FYTTD1: variants seen among roughly 807,000 people sequenced by gnomAD.
The protein encoded by FYTTD1 is UAP56-interacting factor.
FYTTD1 carries 22 observed loss-of-function variants against 40.9 expected under a neutral mutation model. That is an observed-to-expected ratio of 0.54 (90% confidence interval 0.38 to 0.77). The LOEUF (loss-of-function observed/expected upper bound fraction) is 0.77. Ranked by LOEUF, FYTTD1 falls within the 30% of genes least tolerant of loss-of-function variation. The probability of loss-of-function intolerance (pLI) is 0.00; values close to 1 mark genes in which losing one functional copy is unlikely to be tolerated. For missense variants in FYTTD1, 351 were observed against 392.2 expected (o/e 0.90, Z 0.89); for synonymous variants, 140 against 137.9 (o/e 1.01, Z -0.10).
chr3:197,765,670 T>C (rs1399656079), intron 2 of FYTTD1, among the ~76,000 whole-genome samples: 1 of 151,914 alleles, frequency 6.6e-6, no homozygotes, highest in Non-Finnish European at 1.5e-5. Flanking sequence ...GAGACCAGCC[T>C]GGCCAACATG....
intron 4 of FYTTD1, among the ~76,000 whole-genome samples, chr3:197,771,181 AC>A (rs1729704821): frequency 6.6e-6 from 1 of 151,676 alleles, no homozygotes; most frequent in African/African-American, 2.4e-5. Context: ...ACATAGTGAG[AC>A]CCCCATCTCT....
At chr3:197,763,578 A>G (rs1285259964) in intron 2 of FYTTD1, 2 of 442,988 alleles carry the variant, frequency 4.5e-6, no homozygotes, top group Non-Finnish European at 4.5e-6. Context: ...GGACTTCAGG[A>G]CCAGCGTGGG....
At position 197,778,436 on chromosome 3, in the gene FYTTD1, A is replaced by G; in HGVS notation, c.830A>G (p.Gln277Arg). Residue 277 changes from glutamine to arginine, a missense_variant, in exon 8 of 9, where the codon CAG (glutamine) becomes CGG (arginine). By Grantham distance (43) the Gln-to-Arg change is conservative (BLOSUM62 1). Transcript: ENST00000241502. ...VKKVPKGVPL[Q>R]FDINSVGKQT... ...AAAGTTCCTAAAGGTGTTCCCCTGC[A>G]GTTTGACATAAACAGTGTCGGAAAA... 1 of 1,609,946 alleles carries G rather than the reference A, an allele frequency of 6.2e-7. No homozygotes were observed.
Position 197,784,005 on chromosome 3 carries a change from A to G in FYTTD1, c.*2096A>G, listed in dbSNP as rs1730097604. ...AAAACTCTTGGTGGTCACATATTGTATATAAACAAAACAATATGCTTTGTT... is the reference window on the plus strand; with the variant it reads ...AAAACTCTTGGTGGTCACATATTGTGTATAAACAAAACAATATGCTTTGTT... On this transcript the variant is annotated 3_prime_UTR_variant, in exon 9 of 9. Coordinates refer to ENST00000241502, the MANE Select transcript of FYTTD1 (RefSeq NM_032288.7). 1 of 152,594 alleles carries G rather than the reference A, an allele frequency of 6.6e-6. No homozygotes were observed. The allele number at this position is 152,594 out of a possible 1,614,324, so 9.5% of individuals were successfully genotyped here.
At chr3:197,757,453 G>A (rs1729244137) in intron 2 of FYTTD1, among the ~76,000 whole-genome samples, 1 of 152,168 alleles carries the variant, frequency 6.6e-6, no homozygotes. Flanking sequence ...AACATAATTA[G>A]TTCTGTGTTT....
intron 1 of FYTTD1, among the ~76,000 whole-genome samples, chr3:197,754,812 G>C (rs566764487): frequency 6.6e-6 from 1 of 151,820 alleles, no homozygotes; most frequent in Non-Finnish European, 1.5e-5. Flanking sequence ...CCACGGGCAC[G>C]CACCACCATG....
In FYTTD1 at chr3:197,781,901, G is replaced by A. The variant is rs140954379; in HGVS notation, c.949G>A (p.Val317Met). ...CAAAGGGGGAAGCCGCTTTGTCACC[G>A]TGGGATAGGTCCCATGTCAAAGGAA... is the stretch of plus-strand genomic sequence containing the variant. ...YNKGGSRFVT[V>M]G The change falls in exon 9 of 9, where the codon GTG becomes ATG. Residue 317 changes from valine to methionine, a missense_variant. Val to Met is a conservative substitution (Grantham distance 21). Transcript: ENST00000241502. 1.1e-5 allele frequency: 18 copies of A among 1,600,230 alleles called. No homozygotes were observed. The African/African-American group carries it at 1.2e-4, about 11-fold the overall frequency.
chr3:197,750,339 G>A, intron 1 of FYTTD1: 1 of 1,142,648 alleles, frequency 8.8e-7, no homozygotes, highest in Non-Finnish European at 1.1e-6. Context: ...GGCGCTGCGG[G>A]CCCGAAGGTT....
chr3:197,771,124 G>A (rs1729703533), intron 4 of FYTTD1, among the ~76,000 whole-genome samples: 2 of 152,168 alleles, frequency 1.3e-5, no homozygotes, highest in African/African-American at 4.8e-5. Context: ...CGAGGCTGAG[G>A]CAGGAGGATC....
chr3:197,773,977 C>T (rs956713411), intron 5 of FYTTD1, among the ~76,000 whole-genome samples, 172 bp from the exon 6 acceptor site: 14 of 148,636 alleles, frequency 9.4e-5, no homozygotes, highest in Admixed American at 7.1e-5. Context: ...CGGGCCCCTC[C>T]GCTGCACTCA....
intron 2 of FYTTD1, among the ~76,000 whole-genome samples, chr3:197,761,950 T>C (rs546562543): frequency 1.6e-4 from 24 of 152,266 alleles, no homozygotes; most frequent in African/African-American, 4.8e-4. Context: ...GTCAGCAAGG[T>C]CAGGTTCTGG....
chr3:197,752,124 C>T (rs1484461088), intron 1 of FYTTD1, among the ~76,000 whole-genome samples: 1 of 152,166 alleles, frequency 6.6e-6, no homozygotes, highest in Admixed American at 6.5e-5. Context: ...GATCTGTCTG[C>T]CTTGGCCTCC....
chr3:197,750,597 C>T (rs984424323), intron 1 of FYTTD1: 4 of 985,090 alleles, frequency 4.1e-6, no homozygotes, highest in Non-Finnish European at 4.8e-6. Flanking sequence ...TCCAGGCCGG[C>T]GCCGGCCATG....
intron 2 of FYTTD1, among the ~76,000 whole-genome samples, chr3:197,757,747 C>G (rs1245736432): frequency 2.0e-5 from 3 of 152,152 alleles, no homozygotes; most frequent in African/African-American, 7.2e-5. Context: ...AGCACTCCAG[C>G]ATGAGACTCT....
Position 197,772,026 on chromosome 3 carries a change from G to A in FYTTD1, c.498-1377G>A, listed in dbSNP as rs554656944. Among the ~76,000 whole-genome samples, 6 of 152,070 alleles carry A rather than the reference G, an allele frequency of 3.9e-5. No homozygotes were observed. In the East Asian group the frequency reaches 7.7e-4, roughly 20 times the overall value. On this transcript the variant is annotated intron_variant, in intron 4 of 8. Transcript: ENST00000241502. ...GGAGAATCGCTTAAACCTGGGGGGC[G>A]GAAGTTGCAGTGAGTCAAGATGGTG...
intron 4 of FYTTD1, 83 bp from the exon 5 acceptor site, chr3:197,773,320 A>AT (rs1316289180): frequency 5.2e-6 from 4 of 770,988 alleles, no homozygotes; most frequent in Non-Finnish European, 8.7e-6. Context: ...CAGCCTATGA[A>AT]TTTAACTATT....
At chr3:197,750,388 C>T (rs1248548759) in intron 1 of FYTTD1, 1 of 1,085,866 alleles carries the variant, frequency 9.2e-7, no homozygotes, top group Non-Finnish European at 1.1e-6. Flanking sequence ...CCCGGAGGGG[C>T]TACGGCTCGC....
At chr3:197,777,415 C>T (rs971176068) in intron 7 of FYTTD1, among the ~76,000 whole-genome samples, 1 of 152,050 alleles carries the variant, frequency 6.6e-6, no homozygotes, top group Non-Finnish European at 1.5e-5. Flanking sequence ...AGTTGCCCAC[C>T]ACCATGTCTG....
chr3:197,760,032 AGTT>A (rs1328354731), intron 2 of FYTTD1, among the ~76,000 whole-genome samples: 5 of 150,514 alleles, frequency 3.3e-5, no homozygotes. Context: ...GAATGTATGG[AGTT>A]GTTCTTCCGT....
Sources: allele counts gnomAD v4.1 joint callset (sites outside exome capture counted in the v4.1 genomes callset), GRCh38; gene constraint gnomAD v4.1.1; transcripts MANE v1.5; gene names NCBI Gene and HGNC (gene_info 2026-07-23, HGNC 2026-07-21).